Variants in PAX8 observed in about 807,000 individuals in gnomAD.
The protein encoded by PAX8 is paired box 8.
A neutral mutation model predicts 52.4 loss-of-function variants in PAX8; 15 were observed. That is an observed-to-expected ratio of 0.29 (90% CI 0.19 to 0.44). The LOEUF (loss-of-function observed/expected upper bound fraction) is 0.44. Ranked by LOEUF, PAX8 falls within the 20% of genes least tolerant of loss-of-function variation. PAX8 has a pLI of 1.00. For missense variants in PAX8, 554 were observed against 602.5 expected (o/e 0.92, Z 0.84); for synonymous variants, 284 against 249.7 (o/e 1.14, Z -1.29).
chr2:113,220,705 T>C (rs955960376), intron 10 of PAX8, among the ~76,000 whole-genome samples: 3 of 151,708 alleles, frequency 2.0e-5, no homozygotes, highest in Non-Finnish European at 2.9e-5. Context: ...TAGGTATGAG[T>C]GTGTGTGTTT....
Position 113,235,436 on chromosome 2 carries a change from C to T in PAX8, c.1045G>A (p.Ala349Thr). ...CCCGTGAACTGCCCGTACACGGAGG[C>T]AGCATGGGGAAAGGCATTGAAGGGC... Reference protein sequence around the residue: ...VPPFNAFPHAASVYGQFTGQA... With the variant: ...VPPFNAFPHATSVYGQFTGQA... The change falls in exon 9 of 12, where the codon GCC becomes ACC. Residue 349 changes from alanine (A) to threonine (T), a missense_variant. Around this residue, in one of 2 missense-constraint regions of PAX8, gnomAD observed 445 missense variants for 409.9 expected, o/e 1.09. Transcript: ENST00000429538. 3 of 1,606,604 alleles carry T rather than the reference C, an allele frequency of 1.9e-6. No homozygotes were observed. The highest frequency in any genetic ancestry group is 2.5e-6 in the Non-Finnish European group (3 of 1,176,530).
chr2:113,219,839 G>T (rs1295377526), intron 11 of PAX8, among the ~76,000 whole-genome samples: 1 of 152,178 alleles, frequency 6.6e-6, no homozygotes, highest in African/African-American at 2.4e-5. Context: ...ACAAAACAAA[G>T]ATTTAAAAGA....
intron 10 of PAX8, chr2:113,220,451 G>T: frequency 2.5e-6 from 1 of 397,526 alleles, no homozygotes. Flanking sequence ...CCAGAAGGTA[G>T]ATGTTATAAC....
At chr2:113,237,201 C>G (rs570898001) in intron 7 of PAX8, 2 of 156,752 alleles carry the variant, frequency 1.3e-5, no homozygotes, top group African/African-American at 4.8e-5. Flanking sequence ...TTCGAGGGAT[C>G]AGAATGTGTC....
intron 10 of PAX8, among the ~76,000 whole-genome samples, chr2:113,224,462 A>G (rs2863241): frequency 0.99 from 150,093 of 151,206 alleles, 74,510 homozygotes; most frequent in Non-Finnish European, 1. Context: ...CAGGAGAATC[A>G]CTTGAACCCG....
intron 3 of PAX8, among the ~76,000 whole-genome samples, chr2:113,245,122 C>A (rs1691207832): frequency 6.6e-6 from 1 of 151,802 alleles, no homozygotes; most frequent in African/African-American, 2.4e-5. Flanking sequence ...GCTTGGCTCA[C>A]TTCAAACTCT....
At position 113,257,191 on chromosome 2, in the gene PAX8, T is replaced by TCTACAATCCTAAAA. The variant is rs1277603578; in HGVS notation, c.26-10273_26-10272insTTTTAGGATTGTAG. On this transcript the variant is annotated intron_variant, in intron 2 of 11. Coordinates refer to ENST00000429538, the MANE Select transcript of PAX8 (RefSeq NM_003466.4). ...TCTCTTCTCTCTCTTCTAAAATCCT[T>TCTACAATCCTAAAA]AGTAATGATAAAAGGGCAGGGTTCT... is the stretch of plus-strand genomic sequence containing the variant. Among the ~76,000 whole-genome samples the TCTACAATCCTAAAA allele has an allele frequency of 2.6e-5, 4 of 152,198 alleles. 1 individual carries two copies. Among genetic ancestry groups the TCTACAATCCTAAAA allele is most frequent in the African/African-American group, 7.2e-5 (3 of 41,436 alleles).
rs1009316590 is a variant in PAX8, at chr2:113,217,432, G to A, written c.*1101C>T. ...TTTAAAAAAAGAAAGAAGCATCAAGGAGAGAAGCCCCACAGGGCAAAGAGA... is the reference window on the plus strand; with the variant it reads ...TTTAAAAAAAGAAAGAAGCATCAAGAAGAGAAGCCCCACAGGGCAAAGAGA... On this transcript the variant is annotated 3_prime_UTR_variant, in exon 12 of 12. Coordinates refer to ENST00000429538, the MANE Select transcript of PAX8 (RefSeq NM_003466.4). The A allele has an allele frequency of 1.7e-4, 38 of 228,268 alleles. No individual in the cohort carries two copies. Among genetic ancestry groups the A allele is most frequent in the African/African-American group, 8.4e-4 (38 of 44,986 alleles). The allele number at this position is 228,268 out of a possible 1,614,324, so 14.1% of individuals were successfully genotyped here.
At chr2:113,277,534 C>T (rs1157313387) in intron 2 of PAX8, among the ~76,000 whole-genome samples, 1 of 152,180 alleles carries the variant, frequency 6.6e-6, no homozygotes, top group Non-Finnish European at 1.5e-5. Context: ...GCCTTCTCTG[C>T]GGCCGGCCGG....
chr2:113,227,976 T>C (rs549469206), intron 9 of PAX8, among the ~76,000 whole-genome samples: 38 of 152,332 alleles, frequency 2.5e-4, no homozygotes, highest in Non-Finnish European at 5.4e-4. Flanking sequence ...AAAAGAACCA[T>C]TTTTAGCAAA....
intron 2 of PAX8, among the ~76,000 whole-genome samples, chr2:113,264,990 T>C (rs1692953529): frequency 6.6e-6 from 1 of 152,238 alleles, no homozygotes; most frequent in South Asian, 2.1e-4. Context: ...TCTCGGATTG[T>C]ACATCAGCAG....
chr2:113,236,017 G>A (rs542549825), intron 8 of PAX8: 1 of 211,110 alleles, frequency 4.7e-6, no homozygotes, highest in African/African-American at 2.5e-5. Context: ...CCGGAGGCGC[G>A]ACCCCTCGGC....
chr2:113,255,243 G>GC, intron 2 of PAX8: 2 of 10,240 alleles, frequency 2.0e-4, no homozygotes, highest in Non-Finnish European at 3.7e-4. Flanking sequence ...GAGGAGGGAG[G>GC]GGAGGAGGGA....
At chr2:113,243,234 G>T (rs1691019734) in intron 4 of PAX8, among the ~76,000 whole-genome samples, 2 of 152,304 alleles carry the variant, frequency 1.3e-5, no homozygotes, top group Admixed American at 1.3e-4. Context: ...TGAAATGCAA[G>T]TTGGCTTAAA....
At position 113,241,705 on chromosome 2, in the gene PAX8, A is replaced by G. The variant is rs1321253679; in HGVS notation, c.623T>C (p.Leu208Pro). 6.2e-7 allele frequency: 1 copy of G among 1,614,012 alleles called. No individual in the cohort carries two copies. Among genetic ancestry groups the G allele is most frequent in the African/African-American group, 1.3e-5 (1 of 74,928 alleles). Residue 208 changes from leucine (L) to proline (P), a missense_variant, in exon 7 of 12, where the codon CTA becomes CCA. By Grantham distance (98) the Leu-to-Pro change is moderately conservative (BLOSUM62 -3). This residue lies in a region of PAX8 where 445 missense variants were observed against 409.9 expected (regional missense o/e 1.09). Coordinates refer to ENST00000429538, the MANE Select transcript of PAX8 (RefSeq NM_003466.4). Reference sequence around the variant, plus strand: ...GCTGCTGCTCTGTGAGTCAATGCTTAGTCGGCAGCTATCCTGATCACCTGG... The same window carrying G: ...GCTGCTGCTCTGTGAGTCAATGCTTGGTCGGCAGCTATCCTGATCACCTGG... ...MDDSDQDSCR[L>P]SIDSQSSSSG...
At chr2:113,250,755 A>G (rs1691697504) in intron 2 of PAX8, 1 of 152,260 alleles carries the variant, frequency 6.6e-6, no homozygotes, top group Admixed American at 6.5e-5. Flanking sequence ...CCAAGTGCCT[A>G]TCATGACTCA....
At chr2:113,229,213 A>G (rs1382094015) in intron 9 of PAX8, among the ~76,000 whole-genome samples, 1 of 152,132 alleles carries the variant, frequency 6.6e-6, no homozygotes, top group African/African-American at 2.4e-5. Context: ...TTCTGTGGCT[A>G]GTTTTCTGAG....
At chr2:113,254,893 C>T (rs1411799467) in intron 2 of PAX8, among the ~76,000 whole-genome samples, 1 of 152,184 alleles carries the variant, frequency 6.6e-6, no homozygotes, top group Non-Finnish European at 1.5e-5. Flanking sequence ...GAAGCTCCCT[C>T]CTACAGAAAG....
chr2:113,250,266 C>CAAAA (rs35799959), intron 2 of PAX8, among the ~76,000 whole-genome samples: 1 of 102,992 alleles, frequency 9.7e-6, no homozygotes. Flanking sequence ...GACTCCATCT[C>CAAAA]AAAAAAAAAA....
Sources: allele counts gnomAD v4.1 joint callset (sites outside exome capture counted in the v4.1 genomes callset), GRCh38; gene constraint gnomAD v4.1.1; regional missense constraint gnomAD v4.1.1; transcripts MANE v1.5; gene names NCBI Gene and HGNC (gene_info 2026-07-23, HGNC 2026-07-21).